The following AGTPBP1 variants were observed in gnomAD, a reference collection of about 807,000 sequenced individuals.
The protein encoded by AGTPBP1 is ATP/GTP binding carboxypeptidase 1.
Under a neutral mutation model 143.9 loss-of-function variants are expected in AGTPBP1, and 70 were observed. That is an observed-to-expected ratio of 0.49 (90% confidence interval 0.40 to 0.59). The LOEUF is 0.59. Among genes scored for constraint, AGTPBP1 ranks in the 20% least tolerant of loss-of-function variants. The pLI, the probability that AGTPBP1 is intolerant of heterozygous loss-of-function variation, is 0.00. For synonymous variants in AGTPBP1, 463 were observed against 500.2 expected, an observed-to-expected ratio of 0.93 and a Z score of 0.99; for missense variants, 1,229 against 1,464.5, an observed-to-expected ratio of 0.84 and a Z score of 2.62.
chr9:85,740,760 A>G (rs113577389), intron 1 of AGTPBP1, among the ~76,000 whole-genome samples: 8 of 152,272 alleles, frequency 5.3e-5, no homozygotes, highest in African/African-American at 1.9e-4. Context: ...ACAAATTGTC[A>G]TGCATTGTAA....
At chr9:85,559,831 C>T (rs1270264632) in intron 25 of AGTPBP1, among the ~76,000 whole-genome samples, 1 of 152,174 alleles carries the variant, frequency 6.6e-6, no homozygotes, top group East Asian at 1.9e-4. Flanking sequence ...GTTATCTTCA[C>T]GAATATTCCA....
chr9:85,608,598 T>C (rs1483249642), intron 17 of AGTPBP1, among the ~76,000 whole-genome samples: 2 of 151,942 alleles, frequency 1.3e-5, no homozygotes, highest in African/African-American at 2.4e-5. Context: ...TATGACAATA[T>C]ATTATCAGCA....
intron 2 of AGTPBP1, among the ~76,000 whole-genome samples, chr9:85,710,674 C>A (rs74840765): frequency 6.7e-6 from 1 of 149,354 alleles, no homozygotes; most frequent in Non-Finnish European, 1.5e-5. Context: ...AATTAGTTAC[C>A]CTACAACAAC....
intron 1 of AGTPBP1, among the ~76,000 whole-genome samples, chr9:85,731,435 G>A (rs1838872987): frequency 6.6e-6 from 1 of 151,946 alleles, no homozygotes; most frequent in Admixed American, 6.6e-5. Flanking sequence ...TTCGGGGAGG[G>A]AAGTGTTTTG....
chr9:85,578,815 T>C (rs950258332), intron 24 of AGTPBP1, 105 bp downstream of exon 24: 46 of 1,144,314 alleles, frequency 4.0e-5, no homozygotes, highest in Non-Finnish European at 5.4e-5. Context: ...TACATGTAAC[T>C]CAATAAAACA....
the AGTPBP1 span, among the ~76,000 whole-genome samples, chr9:85,760,192 A>G: frequency 1.1e-4 from 16 of 152,190 alleles, no homozygotes; most frequent in Admixed American, 2.0e-4. Context: ...CCAGAGGTAC[A>G]AGGAGGAGCT....
At chr9:85,570,149 G>T (rs1390749757) in intron 25 of AGTPBP1, among the ~76,000 whole-genome samples, 1 of 152,198 alleles carries the variant, frequency 6.6e-6, no homozygotes, top group Non-Finnish European at 1.5e-5. Context: ...GGGATGGGTA[G>T]AGAGTGTCTA....
chr9:85,801,988 C>G, the AGTPBP1 span, among the ~76,000 whole-genome samples: 1 of 152,174 alleles, frequency 6.6e-6, no homozygotes, highest in South Asian at 2.1e-4. Flanking sequence ...TGTGGATGTT[C>G]ACTTCAAAAT....
intron 11 of AGTPBP1, among the ~76,000 whole-genome samples, chr9:85,654,855 TAAAAC>T (rs1009797951): frequency 1.3e-5 from 2 of 151,294 alleles, no homozygotes; most frequent in African/African-American, 4.9e-5. Context: ...AAAAAAAAAT[TAAAAC>T]AAAAAAAAAG....
At chr9:85,562,533 T>A (rs1826807736) in intron 25 of AGTPBP1, among the ~76,000 whole-genome samples, 1 of 152,226 alleles carries the variant, frequency 6.6e-6, no homozygotes, top group South Asian at 2.1e-4. Context: ...TTAAAATAAT[T>A]TTATAGATTA....
the AGTPBP1 span, among the ~76,000 whole-genome samples, chr9:85,802,604 CG>C: frequency 2.0e-5 from 3 of 152,182 alleles, no homozygotes; most frequent in African/African-American, 7.2e-5. Context: ...CAATACTTTC[CG>C]TTAAGGACTA....
chr9:85,709,713 T>A (rs569917793), intron 2 of AGTPBP1, among the ~76,000 whole-genome samples: 2 of 152,232 alleles, frequency 1.3e-5, no homozygotes, highest in Admixed American at 1.3e-4. Flanking sequence ...TTTGAGCAAG[T>A]GAGCTAGAAA....
chr9:85,758,787 A>G, the AGTPBP1 span, among the ~76,000 whole-genome samples: 1 of 152,336 alleles, frequency 6.6e-6, no homozygotes, highest in South Asian at 2.1e-4. Context: ...GAATTCCAGA[A>G]AGATACAACA....
chr9:85,706,282 T>TG (rs966661302), intron 2 of AGTPBP1, among the ~76,000 whole-genome samples: 1 of 144,940 alleles, frequency 6.9e-6, no homozygotes, highest in East Asian at 2.2e-4. Flanking sequence ...GGAGCCAAGG[T>TG]GGGTGGATCA....
the AGTPBP1 span, chr9:85,753,518 C>T: frequency 6.6e-7 from 1 of 1,512,652 alleles, no homozygotes; most frequent in Non-Finnish European, 9.0e-7. Context: ...CTTTGGGACG[C>T]TGAGGTGGGT....
chr9:85,767,100 G>A, the AGTPBP1 span, among the ~76,000 whole-genome samples: 1 of 149,446 alleles, frequency 6.7e-6, no homozygotes, highest in Non-Finnish European at 1.5e-5. Flanking sequence ...TTGCTTAATA[G>A]GTAGGGAGGA....
intron 22 of AGTPBP1, 55 bp from the exon 23 acceptor site, chr9:85,585,649 T>C: frequency 7.1e-7 from 1 of 1,401,006 alleles, no homozygotes. Flanking sequence ...TGTTGCTAAG[T>C]AAAGGTAGTT....
chr9:85,556,934 G>A (rs1826386093), intron 25 of AGTPBP1, among the ~76,000 whole-genome samples: 1 of 152,006 alleles, frequency 6.6e-6, no homozygotes, highest in Non-Finnish European at 1.5e-5. Context: ...TGAAAAATCT[G>A]AACCACAGAT....
At chr9:85,595,736 A>G (rs2133267991) in intron 18 of AGTPBP1, among the ~76,000 whole-genome samples, 1 of 152,238 alleles carries the variant, frequency 6.6e-6, no homozygotes, top group Non-Finnish European at 1.5e-5. Flanking sequence ...CATGTTGGCC[A>G]GGCTGGTCTC....
Sources: allele counts gnomAD v4.1 joint callset (sites outside exome capture counted in the v4.1 genomes callset), GRCh38; gene constraint gnomAD v4.1.1; transcripts MANE v1.5; gene names NCBI Gene and HGNC (gene_info 2026-07-23, HGNC 2026-07-21).